ANK3: variants seen among roughly 807,000 people sequenced by gnomAD.
ANK3 encodes the protein ankyrin-3.
In ANK3, 57 loss-of-function variants were observed where a neutral mutation model predicts 370.9. The ratio of observed to expected loss-of-function variants is 0.15; its 90% CI spans 0.12 to 0.19. The LOEUF (loss-of-function observed/expected upper bound fraction) is 0.19. Among genes scored for constraint, ANK3 ranks in the 10% least tolerant of loss-of-function variants. The probability of loss-of-function intolerance (pLI) is 1.00; values close to 1 mark genes in which losing one functional copy is unlikely to be tolerated. For synonymous variants in ANK3, 1,929 were observed against 1,946.3 expected (o/e 0.99, Z 0.23); for missense variants, 4,439 against 5,302.1 (o/e 0.84, Z 5.06).
At chr10:60,694,972 G>A (rs1166501158) in intron 1 of ANK3, among the ~76,000 whole-genome samples, 1 of 148,390 alleles carries the variant, frequency 6.7e-6, no homozygotes, top group Non-Finnish European at 1.5e-5. Flanking sequence ...AAAGAGTCAA[G>A]ACCCATCAGT....
rs368735009 is a variant in ANK3 at position 60,041,000 on chromosome 10, G to C, written c.*19+1672C>G. On this transcript the variant is annotated intron_variant, in intron 43 of 43. Coordinates refer to ENST00000280772, the MANE Select transcript of ANK3 (RefSeq NM_020987.5). Reference sequence around the variant, plus strand: ...CAGCAGTAGGACATGCATAGGAGTGGGTTCATTCTAGCTACTGCTACATTG... The same window carrying C: ...CAGCAGTAGGACATGCATAGGAGTGCGTTCATTCTAGCTACTGCTACATTG... Among the ~76,000 whole-genome samples, 30 of 152,096 alleles carry C rather than the reference G, an allele frequency of 2.0e-4. 1 individual carries two copies. Among genetic ancestry groups the C allele is most frequent in the East Asian group, 1.5e-3 (8 of 5,184 alleles).
Position 60,241,174 on chromosome 10 carries a change from TG to T in ANK3, c.799-6389del, listed in dbSNP as rs550195732. On this transcript the variant is annotated intron_variant, in intron 7 of 43. Coordinates refer to ENST00000280772, the MANE Select transcript of ANK3 (RefSeq NM_020987.5). ...GAATATCCTGCACCTAAAAATATGA[TG>T]ATTTTTTTTCCCATTAAGGTAGAAT... Among the ~76,000 whole-genome samples, 364 of 152,122 alleles carry T rather than the reference TG, an allele frequency of 2.4e-3. 1 individual carries two copies. Among genetic ancestry groups the T allele is most frequent in the African/African-American group, 8.4e-3 (349 of 41,488 alleles).
chr10:60,525,768 C>T (rs1413675772), intron 2 of ANK3, among the ~76,000 whole-genome samples: 1 of 152,090 alleles, frequency 6.6e-6, no homozygotes, highest in Non-Finnish European at 1.5e-5. Flanking sequence ...AGAATGCCCA[C>T]ATTATTCGTG....
chr10:60,307,771 C>A (rs547436907), intron 1 of ANK3, among the ~76,000 whole-genome samples: 1 of 151,974 alleles, frequency 6.6e-6, no homozygotes, highest in African/African-American at 2.4e-5. Context: ...TTTATATGAC[C>A]AAAAAAACCC....
chr10:60,240,370 T>A (rs1381973675), intron 7 of ANK3, among the ~76,000 whole-genome samples: 2 of 149,706 alleles, frequency 1.3e-5, no homozygotes, highest in African/African-American at 4.9e-5. Flanking sequence ...AATGGCATGA[T>A]TTCGGCTCAC....
intron 4 of ANK3, among the ~76,000 whole-genome samples, chr10:60,275,743 T>C (rs7901951): frequency 0.75 from 114,150 of 151,958 alleles, 43,020 homozygotes; most frequent in South Asian, 0.9. Flanking sequence ...CCTTTGCAAA[T>C]GCCACTAGAA....
intron 1 of ANK3, among the ~76,000 whole-genome samples, chr10:60,332,978 T>C (rs2051760305): frequency 2.0e-5 from 3 of 152,192 alleles, no homozygotes. Context: ...CAGGGTCTAT[T>C]TAAAGTGTGT....
At chr10:60,250,644 C>T (rs1431426498) in intron 7 of ANK3, among the ~76,000 whole-genome samples, 1 of 152,158 alleles carries the variant, frequency 6.6e-6, no homozygotes, top group Non-Finnish European at 1.5e-5. Context: ...GGATTACGGG[C>T]ATGAGCCACC....
chr10:60,278,583 G>C (rs566298963), intron 4 of ANK3, among the ~76,000 whole-genome samples, 191 bp downstream of exon 4: 1 of 152,052 alleles, frequency 6.6e-6, no homozygotes, highest in African/African-American at 2.4e-5. Context: ...TGTTGGCCAG[G>C]CTGGTCTCAA....
chr10:60,443,147 A>G (rs1250924072), intron 2 of ANK3, among the ~76,000 whole-genome samples: 1 of 152,216 alleles, frequency 6.6e-6, no homozygotes, highest in African/African-American at 2.4e-5. Context: ...TGTTAATTGA[A>G]AAGTATTTAT....
At chr10:60,432,206 T>C (rs1333641191) in intron 2 of ANK3, among the ~76,000 whole-genome samples, 1 of 152,228 alleles carries the variant, frequency 6.6e-6, no homozygotes, top group Non-Finnish European at 1.5e-5. Flanking sequence ...TCAAATATTA[T>C]AACAATTGCT....
chr10:60,465,815 GAGGACTT>G (rs1158045744), intron 2 of ANK3, among the ~76,000 whole-genome samples: 1 of 128,070 alleles, frequency 7.8e-6, no homozygotes, highest in Admixed American at 8.4e-5. Context: ...TTCAAAAAAA[GAGGACTT>G]AGGATGAAGA....
chr10:60,261,154 C>A (rs1010486360), intron 7 of ANK3, among the ~76,000 whole-genome samples: 2 of 152,104 alleles, frequency 1.3e-5, no homozygotes, highest in African/African-American at 4.8e-5. Flanking sequence ...AAAATTTGAA[C>A]CTAAGGAGTC....
chr10:60,035,050 C>T (rs989306740), intron 43 of ANK3, among the ~76,000 whole-genome samples: 10 of 151,722 alleles, frequency 6.6e-5, no homozygotes, highest in Admixed American at 3.3e-4. Flanking sequence ...ACTGTTCATT[C>T]GTGTTTTAGC....
intron 1 of ANK3, among the ~76,000 whole-genome samples, chr10:60,320,506 T>G (rs905787608): frequency 1.3e-5 from 2 of 152,138 alleles, no homozygotes; most frequent in African/African-American, 4.8e-5. Context: ...GAGGCGGGCA[T>G]GAGAATCGTT....
At chr10:60,731,388 A>G (rs914461932) in intron 1 of ANK3, among the ~76,000 whole-genome samples, 2 of 152,218 alleles carry the variant, frequency 1.3e-5, no homozygotes, top group Admixed American at 6.5e-5. Context: ...TTGAGCTACA[A>G]TATCTGCTAT....
At chr10:60,053,646 T>C (rs1589297686) in intron 42 of ANK3, 2 of 1,298,642 alleles carry the variant, frequency 1.5e-6, no homozygotes, top group South Asian at 1.2e-5. Flanking sequence ...GGTTGCTGCA[T>C]GGAAACAGGT....
chr10:60,231,086 A>G (rs2097236511), intron 8 of ANK3, among the ~76,000 whole-genome samples: 1 of 152,162 alleles, frequency 6.6e-6, no homozygotes, highest in African/African-American at 2.4e-5. Flanking sequence ...CTGGCTGGAA[A>G]ACTATGACTC....
intron 1 of ANK3, among the ~76,000 whole-genome samples, chr10:60,672,786 C>T (rs115485078): frequency 0.041 from 6,207 of 152,202 alleles, 160 homozygotes; most frequent in Middle Eastern, 0.071. Context: ...GTGATTGGTG[C>T]CTGAACTGAG....
Sources: gnomAD v4.1 joint callset for allele counts (sites outside exome capture counted in the v4.1 genomes callset) on GRCh38, gnomAD v4.1.1 for gene constraint, MANE v1.5 for transcripts, NCBI Gene and HGNC (gene_info 2026-07-23, HGNC 2026-07-21) for gene names.